MRPS27: variants seen among roughly 807,000 people sequenced by gnomAD.
MRPS27 encodes the protein mitochondrial ribosomal protein S27, also known as small ribosomal subunit protein mS27.
In MRPS27, 43 loss-of-function variants were observed where a neutral mutation model predicts 48.9. The observed-to-expected ratio is 0.88, with a 90% CI of 0.69 to 1.13. The LOEUF (loss-of-function observed/expected upper bound fraction) is 1.13. Among genes scored for constraint, MRPS27 ranks in the 50% most tolerant of loss-of-function variants. The pLI is 0.00. For synonymous variants in MRPS27, 188 were observed against 171.9 expected (o/e 1.09, Z -0.73); for missense variants, 467 against 476.3 (o/e 0.98, Z 0.18).
At chr5:72,278,576 C>T (rs1157242801) in intron 4 of MRPS27, among the ~76,000 whole-genome samples, 1 of 151,982 alleles carries the variant, frequency 6.6e-6, no homozygotes, top group Non-Finnish European at 1.5e-5. Context: ...CATCCTGCTT[C>T]TTCATAGGTA....
intron 10 of MRPS27, among the ~76,000 whole-genome samples, chr5:72,223,456 G>A (rs1453673543): frequency 1.3e-5 from 2 of 152,182 alleles, no homozygotes; most frequent in African/African-American, 2.4e-5. Context: ...TGCCACCTTA[G>A]TGAACAAAAC....
At chr5:72,231,450 C>G (rs1396405108) in intron 7 of MRPS27, among the ~76,000 whole-genome samples, 4 of 152,064 alleles carry the variant, frequency 2.6e-5, no homozygotes, top group Non-Finnish European at 2.9e-5. Context: ...TTGCAGTGTT[C>G]ATGATAGTCA....
At chr5:72,258,015 C>T (rs537398543) in intron 4 of MRPS27, among the ~76,000 whole-genome samples, 1,572 of 142,028 alleles carry the variant, frequency 0.011, 8 homozygotes, top group South Asian at 0.022. Flanking sequence ...ACCTGGGAGG[C>T]GGAGGTTGCA....
chr5:72,300,507 T>C (rs555789992), intron 2 of MRPS27, among the ~76,000 whole-genome samples: 2 of 152,304 alleles, frequency 1.3e-5, no homozygotes, highest in East Asian at 3.9e-4. Context: ...CTAATAGGTA[T>C]CTAAACATCA....
chr5:72,317,783 G>T (rs544075759), intron 1 of MRPS27, among the ~76,000 whole-genome samples: 2 of 152,182 alleles, frequency 1.3e-5, no homozygotes, highest in Non-Finnish European at 2.9e-5. Flanking sequence ...TGCCTCCAGG[G>T]TTCAAGCAAT....
At chr5:72,284,153 C>T (rs1749604285) in intron 4 of MRPS27, among the ~76,000 whole-genome samples, 1 of 151,570 alleles carries the variant, frequency 6.6e-6, no homozygotes, top group Non-Finnish European at 1.5e-5. Context: ...TGGCTCATGC[C>T]TATAATCCCA....
chr5:72,304,550 G>C (rs1050882654), intron 2 of MRPS27, among the ~76,000 whole-genome samples: 3 of 152,076 alleles, frequency 2.0e-5, no homozygotes, highest in Non-Finnish European at 4.4e-5. Flanking sequence ...TAGATTACAG[G>C]CAAAAAGCAG....
intron 1 of MRPS27, chr5:72,314,383 A>T (rs1580122294): frequency 2.7e-6 from 1 of 366,634 alleles, no homozygotes; most frequent in East Asian, 4.4e-5. Context: ...TTTCACAATA[A>T]TTTTTTAAAT....
At position 72,233,710 on chromosome 5, in the gene MRPS27, G is replaced by A. The variant is rs556718585; in HGVS notation, c.475+409C>T. Among the ~76,000 whole-genome samples, 14 of 151,426 alleles carry A rather than the reference G, an allele frequency of 9.2e-5. No homozygotes were observed. The East Asian group carries it at 2.5e-3, about 27-fold the overall frequency. On this transcript the variant is annotated intron_variant, in intron 6 of 10. Transcript: ENST00000261413. ...GATTTTCTTTTACACAAACAAACAA[G>A]CCAGTAATATTTTAAAAGAGCATAG...
intron 5 of MRPS27, 22 bp from the exon 6 acceptor site, chr5:72,234,219 CA>C (rs1561332221): frequency 6.9e-7 from 1 of 1,447,276 alleles, no homozygotes; most frequent in Admixed American, 2.8e-5. Flanking sequence ...ATGAACATAA[CA>C]GGAAAAAAAG....
intron 4 of MRPS27, among the ~76,000 whole-genome samples, chr5:72,244,128 TG>T (rs1748441528): frequency 6.6e-6 from 1 of 152,176 alleles, no homozygotes; most frequent in South Asian, 2.1e-4. Flanking sequence ...AAACTCAGCT[TG>T]TGAGTAGTTT....
chr5:72,269,701 C>A (rs907516557), intron 4 of MRPS27, among the ~76,000 whole-genome samples: 3 of 152,152 alleles, frequency 2.0e-5, no homozygotes, highest in Non-Finnish European at 4.4e-5. Flanking sequence ...TTGTTTTACA[C>A]ACGTGTGGGG....
At chr5:72,319,978 G>A (rs1408652918) in intron 1 of MRPS27, 171 bp downstream of exon 1, 3 of 660,362 alleles carry the variant, frequency 4.5e-6, no homozygotes, top group Admixed American at 5.7e-5. Flanking sequence ...TGTTATTTTA[G>A]GGAAGGAAAT....
chr5:72,221,054 C>A lies in MRPS27; in HGVS notation c.1100G>T (p.Cys367Phe). The change falls in exon 11 of 11, where the codon TGT (cysteine) becomes TTT (phenylalanine). Residue 367 changes from cysteine to phenylalanine, a missense_variant. Transcript: ENST00000261413. ...ATAGGTGGCGATGTCCTCTGCTTCA[C>A]AGGTGGAGAGTTTTTCCTTGACAAG... ...TQLVKEKLST[C>F]EAEDIATYEQ... The A allele has an allele frequency of 6.2e-7, 1 of 1,614,220 alleles. No individual in the cohort carries two copies. The highest frequency in any genetic ancestry group is 2.2e-5 in the East Asian group (1 of 44,888).
chr5:72,318,359 C>T (rs1451776291), intron 1 of MRPS27, among the ~76,000 whole-genome samples: 4 of 152,226 alleles, frequency 2.6e-5, no homozygotes, highest in African/African-American at 9.6e-5. Flanking sequence ...CAGCTACTTG[C>T]TTACTCTCTA....
chr5:72,233,628 G>GTAT (rs1748118435), intron 6 of MRPS27, among the ~76,000 whole-genome samples: 1 of 152,000 alleles, frequency 6.6e-6, no homozygotes, highest in Non-Finnish European at 1.5e-5. Context: ...GGGAAACTGA[G>GTAT]ATAGGCAGAC....
intron 4 of MRPS27, among the ~76,000 whole-genome samples, chr5:72,277,299 G>C (rs62364776): frequency 0.23 from 35,197 of 152,074 alleles, 5,221 homozygotes; most frequent in Non-Finnish European, 0.33. Context: ...GTGGAAGACT[G>C]TGTGGCAATT....
chr5:72,272,121 G>T (rs1462123414), intron 4 of MRPS27, among the ~76,000 whole-genome samples: 1 of 152,228 alleles, frequency 6.6e-6, no homozygotes, highest in Non-Finnish European at 1.5e-5. Context: ...CAAGAAGTGA[G>T]GGTATAGATC....
At chr5:72,247,155 T>C (rs756313726) in intron 4 of MRPS27, among the ~76,000 whole-genome samples, 3 of 152,178 alleles carry the variant, frequency 2.0e-5, no homozygotes, top group Non-Finnish European at 2.9e-5. Context: ...ATGAATCATG[T>C]AAGACAATAG....
Sources: allele counts gnomAD v4.1 joint callset (sites outside exome capture counted in the v4.1 genomes callset), GRCh38; gene constraint gnomAD v4.1.1; transcripts MANE v1.5; gene names NCBI Gene and HGNC (gene_info 2026-07-23, HGNC 2026-07-21).